Variants in TMEM253 observed in about 807,000 individuals in gnomAD.
TMEM253 encodes transmembrane protein C14orf176.
A neutral mutation model predicts 20.3 loss-of-function variants in TMEM253; 22 were observed. The observed-to-expected ratio is 1.08, with a 90% CI of 0.78 to 1.55. TMEM253 has a LOEUF of 1.55. TMEM253 is among the 40% of genes most tolerant of loss of function. TMEM253 has a pLI of 0.00. For synonymous variants in TMEM253, 92 were observed against 102.6 expected (o/e 0.90, Z 0.62); for missense variants, 251 against 266.1 (o/e 0.94, Z 0.39).
At chr14:21,102,594 G>GT in intron 5 of TMEM253, 39 bp from the exon 6 acceptor site, 1 of 1,551,182 alleles carries the variant, frequency 6.4e-7, no homozygotes, top group South Asian at 1.2e-5. Flanking sequence ...GGGCAAACAG[G>GT]TGCGGGGTCC....
chr14:21,100,432 G>A (rs1889560919), upstream of TMEM253, among the ~76,000 whole-genome samples: 1 of 152,076 alleles, frequency 6.6e-6, no homozygotes, highest in African/African-American at 2.4e-5. Context: ...GCAGAGCTAA[G>A]ATTCCAGCTC....
chr14:21,103,187 G>T (rs1489871996), exon 7 of TMEM253: 1 of 1,551,560 alleles, frequency 6.4e-7, no homozygotes, highest in East Asian at 2.4e-5. Context: ...TGGTCCCACG[G>T]TGGCCAGCAC....
At chr14:21,101,317 C>T in exon 2 of TMEM253, 2 of 1,548,074 alleles carry the variant, frequency 1.3e-6, no homozygotes, top group Non-Finnish European at 8.7e-7. Flanking sequence ...GCCTAGGAAG[C>T]ACCTAATTCT....
At chr14:21,099,912 A>G (rs1889529142), upstream of TMEM253, among the ~76,000 whole-genome samples, 1 of 152,166 alleles carries the variant, frequency 6.6e-6, no homozygotes, top group Admixed American at 6.5e-5. Flanking sequence ...TTCCTTCTGA[A>G]TAACACTTTT....
chr14:21,100,046 C>G (rs1168817045), upstream of TMEM253, among the ~76,000 whole-genome samples: 1 of 152,160 alleles, frequency 6.6e-6, no homozygotes, highest in Non-Finnish European at 1.5e-5. Flanking sequence ...AGTGAATAAA[C>G]TGAGGTGCGA....
At chr14:21,101,946 A>C in exon 3 of TMEM253, 1 of 1,551,624 alleles carries the variant, frequency 6.4e-7, no homozygotes, top group African/African-American at 1.4e-5. Flanking sequence ...TCACATGGCC[A>C]CAGCGCTGCC....
At chr14:21,099,114 T>A (rs1308533168), upstream of TMEM253, 1 of 247,096 alleles carries the variant, frequency 4.0e-6, no homozygotes, top group Non-Finnish European at 8.2e-6. Flanking sequence ...GCTTACTAAG[T>A]GCCAGGCACT....
upstream of TMEM253, among the ~76,000 whole-genome samples, chr14:21,099,506 T>C (rs533236748): frequency 9.9e-5 from 15 of 152,268 alleles, no homozygotes; most frequent in South Asian, 3.1e-3. Flanking sequence ...AAAGAGTAGA[T>C]ACAATGACCC....
chr14:21,103,094 C>T, intron 6 of TMEM253, 45 bp from the exon 7 acceptor site: 3 of 1,551,380 alleles, frequency 1.9e-6, no homozygotes, highest in African/African-American at 1.4e-5. Flanking sequence ...GGGGTTTCTC[C>T]TTTCTCACCT....
intron 5 of TMEM253, 55 bp from the exon 6 acceptor site, chr14:21,102,578 G>C: frequency 1.9e-6 from 3 of 1,551,328 alleles, no homozygotes; most frequent in South Asian, 1.2e-5. Context: ...GAAGGGAAAA[G>C]GGCAGGGGCA....
upstream of TMEM253, among the ~76,000 whole-genome samples, chr14:21,100,285 G>C (rs1256562883): frequency 6.6e-6 from 1 of 152,108 alleles, no homozygotes; most frequent in African/African-American, 2.4e-5. Context: ...ATGATTATTT[G>C]TGCCCAGAAG....
chr14:21,098,977 A>T, upstream of TMEM253: 1 of 567,108 alleles, frequency 1.8e-6, no homozygotes, highest in Non-Finnish European at 2.6e-6. Flanking sequence ...TATAAGAAAC[A>T]TTATTAAAGT....
At position 21,103,122 on chromosome 14, in the gene TMEM253, C is replaced by T; in HGVS notation, c.535-17C>T. 2 of 1,551,656 alleles carry T rather than the reference C, an allele frequency of 1.3e-6. 1 individual carries two copies. The highest frequency in any genetic ancestry group is 3.3e-4 in the Middle Eastern group (2 of 5,990). On this transcript the variant is annotated splice_polypyrimidine_tract_variant and intron_variant, in intron 6 of 6. Coordinates refer to ENST00000556585, the Ensembl canonical transcript of TMEM253. ...TCTCACCTCTACAATTTGCTCACAC[C>T]TGTCTCTGGTTTTCAGGGCTTCTCT...
At chr14:21,098,900 CT>C (rs1355688713), upstream of TMEM253, 1 of 1,263,438 alleles carries the variant, frequency 7.9e-7, no homozygotes, top group Middle Eastern at 2.2e-4. Context: ...AAGCCTCTCC[CT>C]TACAATTTCT....
chr14:21,100,740 G>C (rs115287685), upstream of TMEM253, among the ~76,000 whole-genome samples: 645 of 152,306 alleles, frequency 4.2e-3, 5 homozygotes, highest in African/African-American at 0.015. Flanking sequence ...TGGGGGCAAA[G>C]CTGCAAGTAG....
At chr14:21,102,141 G>A (rs1889681409) in intron 4 of TMEM253, 21 bp downstream of exon 4, 1 of 1,546,988 alleles carries the variant, frequency 6.5e-7, no homozygotes, top group African/African-American at 1.4e-5. Flanking sequence ...AGAAAACGCA[G>A]CACTGTCCTC....
intron 4 of TMEM253, 51 bp downstream of exon 4, chr14:21,102,171 C>T: frequency 6.6e-7 from 1 of 1,518,798 alleles, no homozygotes. Flanking sequence ...AAAACAGACA[C>T]CTACAACCCT....
Position 21,102,087 on chromosome 14 carries a change from T to C in TMEM253, c.243T>C (p.Thr81=), listed in dbSNP as rs1210643483. 2.6e-6 allele frequency: 4 copies of C among 1,551,238 alleles called. No homozygotes were observed. In the South Asian group the frequency reaches 4.8e-5, roughly 18 times the overall value. ...AGGGTCTCCTCACTGGGACTGTCAC[T>C]CTGGAGCTTCGCAGAGCACCCCGCC... Residue 81 remains threonine, a synonymous_variant, in exon 4 of 7, where the codon ACT becomes ACC. Transcript: ENST00000556585.
At chr14:21,102,718 T>C (rs1202308868) in exon 6 of TMEM253, 9 of 1,551,488 alleles carry the variant, frequency 5.8e-6, no homozygotes, top group Non-Finnish European at 7.8e-6. Context: ...CTATTCTTGC[T>C]GAGCCAGAGG....
Sources: allele counts gnomAD v4.1 joint callset (sites outside exome capture counted in the v4.1 genomes callset), GRCh38; gene constraint gnomAD v4.1.1; transcripts MANE v1.5; gene names NCBI Gene and HGNC (gene_info 2026-07-23, HGNC 2026-07-21).